DNAH10: variants seen among roughly 807,000 people sequenced by gnomAD.
The protein encoded by DNAH10 is axonemal beta dynein heavy chain 10.
In DNAH10, 348 loss-of-function variants were observed where a neutral mutation model predicts 506.6. The observed-to-expected ratio is 0.69, with a 90% confidence interval of 0.63 to 0.75. The LOEUF (loss-of-function observed/expected upper bound fraction) is 0.75. Ranked by LOEUF, DNAH10 falls within the 30% of genes least tolerant of loss-of-function variation. DNAH10 has a pLI of 0.00. For synonymous variants in DNAH10, 2,059 were observed against 2,198.6 expected (o/e 0.94, Z 1.78); for missense variants, 5,179 against 5,787.1 (o/e 0.89, Z 3.41).
intron 25 of DNAH10, among the ~76,000 whole-genome samples, chr12:123,829,642 T>C (rs1960327361): frequency 6.6e-6 from 1 of 152,214 alleles, no homozygotes; most frequent in Non-Finnish European, 1.5e-5. Context: ...CTGTCCGTGC[T>C]GTGCTAGGCC....
intron 59 of DNAH10, among the ~76,000 whole-genome samples, chr12:123,912,462 GGGGGTCTGTCCTGGGGGGGGGTCTGTCCT>G (rs1405510925): frequency 1.2e-5 from 1 of 80,628 alleles, no homozygotes; most frequent in African/African-American, 5.4e-5. Context: ...GTCTGTCCTG[GGGGGTCTGTCCTGGGGGGGGGTCTGTCCT>G]GGGGGGGTCT....
chr12:123,897,777 T>C lies in DNAH10; in HGVS notation c.9288T>C (p.Asn3096=). The C allele has an allele frequency of 4.4e-6, 7 of 1,606,826 alleles. No homozygotes were observed. The highest frequency in any genetic ancestry group is 5.9e-6 in the Non-Finnish European group (7 of 1,178,300). Residue 3096 remains asparagine, a synonymous_variant, in exon 55 of 79, where the codon AAT becomes AAC. Coordinates refer to ENST00000673944, the MANE Select transcript of DNAH10 (RefSeq NM_001372106.1). The part of the protein sequence containing the change: ...HAVAKSFLGY[N]PMIPAENIEN... ...TTATTCCTTCCTCTTCAGGGTATAA[T>C]CCAATGATCCCGGCAGAAAATATAG... is the stretch of plus-strand genomic sequence containing the variant.
At chr12:123,885,859 A>T (rs1176733607) in intron 51 of DNAH10, among the ~76,000 whole-genome samples, 1 of 152,064 alleles carries the variant, frequency 6.6e-6, no homozygotes. Flanking sequence ...CCTTTTATAC[A>T]TTTTTTGGAC....
Position 123,772,961 on chromosome 12 carries a change from T to C in DNAH10, c.505+19T>C. ...ACCAAAGGTACATTTCTGGCACGTG[T>C]GTGTGTATGTGTGTTGAGGGGGTGT... is the stretch of plus-strand genomic sequence containing the variant. On this transcript the variant is annotated intron_variant, in intron 4 of 78. Transcript: ENST00000673944. The C allele has an allele frequency of 2.0e-6, 3 of 1,536,426 alleles. No homozygotes were observed. The South Asian group carries it at 3.4e-5, about 18-fold the overall frequency.
At chr12:123,931,884 T>TA (rs769824769) in intron 75 of DNAH10, 37 bp downstream of exon 75, 2 of 1,612,686 alleles carry the variant, frequency 1.2e-6, no homozygotes, top group Non-Finnish European at 1.7e-6. Flanking sequence ...ACTGCCTAGA[T>TA]ACGTGGCACC....
intron 21 of DNAH10, among the ~76,000 whole-genome samples, chr12:123,818,657 A>G (rs1263337749): frequency 6.6e-6 from 1 of 151,806 alleles, no homozygotes; most frequent in African/African-American, 2.4e-5. Flanking sequence ...TTTTCTTTTT[A>G]TATTTACAGA....
intron 43 of DNAH10, 83 bp from the exon 44 acceptor site, chr12:123,870,283 T>C: frequency 2.6e-6 from 4 of 1,529,412 alleles, no homozygotes; most frequent in Middle Eastern, 1.7e-4. Context: ...CAAGCAACAT[T>C]AGTTCATTTC....
chr12:123,770,951 AT>A (rs1460082365), intron 2 of DNAH10, among the ~76,000 whole-genome samples: 1 of 149,718 alleles, frequency 6.7e-6, no homozygotes, highest in East Asian at 2.0e-4. Flanking sequence ...AAAGGAGTAA[AT>A]GCTAACATGC....
In DNAH10 at chr12:123,910,714, C is replaced by T. The variant is rs372189030; in HGVS notation, c.10134+42C>T. 6.6e-5 allele frequency: 106 copies of T among 1,602,502 alleles called. No individual in the cohort carries two copies. In the African/African-American group the frequency reaches 1.4e-3, roughly 21 times the overall value. ...AGACTGCCACACCACTGCCAAGGGA[C>T]CCATTCAGAGTCAGAATTCACATGT... On this transcript the variant is annotated intron_variant, in intron 59 of 78. Coordinates refer to ENST00000673944, the MANE Select transcript of DNAH10 (RefSeq NM_001372106.1).
At chr12:123,805,102 T>C in intron 18 of DNAH10, 62 bp downstream of exon 18, 2 of 1,547,300 alleles carry the variant, frequency 1.3e-6, no homozygotes, top group South Asian at 1.2e-5. Context: ...TTGACAAATA[T>C]GGACAGTTAG....
Position 123,933,656 on chromosome 12 carries a change from G to C in DNAH10, c.13477+145G>C. ...CCAGCCTGCTGCAAATATTTCCTGT[G>C]TCTCTGCACTGCCCATGTCTTAACA... On this transcript the variant is annotated intron_variant, in intron 77 of 78. Transcript: ENST00000673944. 5 of 939,972 alleles carry C rather than the reference G, an allele frequency of 5.3e-6. No homozygotes were observed. The South Asian group carries it at 8.9e-5, about 17-fold the overall frequency. 58.2% of individuals were successfully genotyped at this position (939,972 alleles called of 1,614,324 possible).
At position 123,893,404 on chromosome 12, in the gene DNAH10, A is replaced by G; in HGVS notation, c.9167A>G (p.Asp3056Gly). ...GTCCTGGGCATGTCGCCAGTGGGGGACACCCTGAGGACCTGGTGCAGAAAC... is the reference window on the plus strand; with the variant it reads ...GTCCTGGGCATGTCGCCAGTGGGGGGCACCCTGAGGACCTGGTGCAGAAAC... ...HIVLGMSPVG[D>G]TLRTWCRNFP... Residue 3056 changes from aspartate to glycine, a missense_variant, in exon 53 of 79, where the codon GAC (aspartate) becomes GGC (glycine). Physicochemically the swap from Asp to Gly is moderately conservative, Grantham distance 94. Around this residue, in one of 3 missense-constraint regions of DNAH10, gnomAD observed 4,844 missense variants for 5,430.5 expected, o/e 0.89. Transcript: ENST00000673944. 6.2e-7 allele frequency: 1 copy of G among 1,613,066 alleles called. No homozygotes were observed. Among genetic ancestry groups the G allele is most frequent in the Non-Finnish European group, 8.5e-7 (1 of 1,179,876 alleles).
At chr12:123,900,547 T>C (rs1023277735) in intron 56 of DNAH10, among the ~76,000 whole-genome samples, 1 of 152,226 alleles carries the variant, frequency 6.6e-6, no homozygotes, top group African/African-American at 2.4e-5. Context: ...TTGTTTTTCT[T>C]TCCCCATTGC....
intron 50 of DNAH10, among the ~76,000 whole-genome samples, chr12:123,880,403 G>A (rs1457074706): frequency 6.6e-6 from 1 of 152,114 alleles, no homozygotes; most frequent in African/African-American, 2.4e-5. Context: ...GCAGTGGTAC[G>A]ATCACGGCTC....
chr12:123,839,504 A>G (rs1594159538), intron 29 of DNAH10, among the ~76,000 whole-genome samples: 1 of 152,216 alleles, frequency 6.6e-6, no homozygotes, highest in East Asian at 1.9e-4. Flanking sequence ...AACAGTGCCT[A>G]CCTTTCAATG....
chr12:123,915,886 G>A (rs1224325910), intron 62 of DNAH10, among the ~76,000 whole-genome samples: 1 of 152,188 alleles, frequency 6.6e-6, no homozygotes, highest in Non-Finnish European at 1.5e-5. Flanking sequence ...GCGATACCTA[G>A]GAATGGAATT....
chr12:123,897,968 G>T lies in DNAH10; in HGVS notation c.9478+1G>T, dbSNP rs770032036. The T allele has an allele frequency of 6.4e-7, 1 of 1,571,248 alleles. No individual in the cohort carries two copies. The highest frequency in any genetic ancestry group is 1.4e-5 in the African/African-American group (1 of 72,304). ...GATGAGAAAACTCAGTGTAATATAG[G>T]TAAGCCTTGGGGATGGGGTGGTTGA... is the stretch of plus-strand genomic sequence containing the variant. On this transcript the variant is annotated splice_donor_variant, in intron 55 of 78. Transcript: ENST00000673944. LOFTEE classifies it high-confidence loss of function.
intron 8 of DNAH10, among the ~76,000 whole-genome samples, chr12:123,784,598 A>G (rs1334793844): frequency 2.0e-5 from 3 of 152,206 alleles, no homozygotes; most frequent in East Asian, 3.8e-4. Flanking sequence ...ATGACATGAT[A>G]TTATCATTTT....
In DNAH10 at chr12:123,864,689, G is replaced by A; in HGVS notation, c.7003G>A (p.Glu2335Lys). ...DNRLLTLANG[E>K]RIRLQAHCAL... ...CAGGTTGTTGACATTGGCCAACGGG[G>A]AACGCATCCGGCTCCAAGCACACTG... Residue 2335 changes from glutamate to lysine, a missense_variant, in exon 40 of 79, where the codon GAA becomes AAA. Physicochemically the swap from Glu to Lys is moderately conservative, Grantham distance 56. Coordinates refer to ENST00000673944, the MANE Select transcript of DNAH10 (RefSeq NM_001372106.1). The A allele has an allele frequency of 1.2e-6, 2 of 1,614,028 alleles. No individual in the cohort carries two copies. Among genetic ancestry groups the A allele is most frequent in the Non-Finnish European group, 1.7e-6 (2 of 1,179,900 alleles).
Sources: gnomAD v4.1 joint callset for allele counts (sites outside exome capture counted in the v4.1 genomes callset) on GRCh38, gnomAD v4.1.1 for gene constraint, gnomAD v4.1.1 regional missense constraint, MANE v1.5 for transcripts, NCBI Gene and HGNC (gene_info 2026-07-23, HGNC 2026-07-21) for gene names.